AIG1: variants seen among roughly 807,000 people sequenced by gnomAD.
The protein encoded by AIG1 is androgen-induced gene 1 protein.
Under a neutral mutation model 31.4 loss-of-function variants are expected in AIG1, and 23 were observed. The observed-to-expected ratio is 0.73, with a 90% CI of 0.53 to 1.04. AIG1 has a LOEUF of 1.04. Ranked by LOEUF, AIG1 falls within the 50% of genes least tolerant of loss-of-function variation. The pLI is 0.00. For synonymous variants in AIG1, 100 were observed against 110.5 expected, an observed-to-expected ratio of 0.90 and a Z score of 0.60; for missense variants, 274 against 295.0, an observed-to-expected ratio of 0.93 and a Z score of 0.52.
chr6:143,061,926 G>A (rs1452465646), intron 1 of AIG1, among the ~76,000 whole-genome samples: 1 of 152,204 alleles, frequency 6.6e-6, no homozygotes, highest in African/African-American at 2.4e-5. Flanking sequence ...GGGTAAAGGT[G>A]ACTAAGACAC....
chr6:143,191,696 G>T (rs1789804254), intron 3 of AIG1, among the ~76,000 whole-genome samples: 1 of 152,122 alleles, frequency 6.6e-6, no homozygotes, highest in South Asian at 2.1e-4. Context: ...AGTCTAGGAG[G>T]AAAGGAGGAA....
chr6:143,317,180 AC>A (rs1775826154), intron 4 of AIG1, among the ~76,000 whole-genome samples: 1 of 152,126 alleles, frequency 6.6e-6, no homozygotes, highest in Non-Finnish European at 1.5e-5. Flanking sequence ...TCACCCTAAT[AC>A]CAAAACGAGG....
intron 3 of AIG1, among the ~76,000 whole-genome samples, chr6:143,246,493 A>G (rs1035742662): frequency 2.0e-5 from 3 of 152,116 alleles, no homozygotes; most frequent in Admixed American, 1.3e-4. Context: ...CCATGATTCA[A>G]TCACCTCCCA....
At chr6:143,156,077 C>T (rs1785717475) in intron 2 of AIG1, among the ~76,000 whole-genome samples, 1 of 152,116 alleles carries the variant, frequency 6.6e-6, no homozygotes. Context: ...TGTCAGCAGG[C>T]CCAGCCAACA....
chr6:143,060,747 G>A (rs142712943), upstream of AIG1: 9,569 of 207,846 alleles, frequency 0.046, 989 homozygotes, highest in African/African-American at 0.22. Context: ...GGTCACCCGG[G>A]CGCTCGCGGC....
chr6:143,081,914 C>T (rs1057304688), intron 1 of AIG1, among the ~76,000 whole-genome samples: 1 of 152,014 alleles, frequency 6.6e-6, no homozygotes, highest in African/African-American at 2.4e-5. Context: ...CCTTGTGGCT[C>T]TTTTGGCTTC....
intron 3 of AIG1, among the ~76,000 whole-genome samples, chr6:143,202,349 TCAC>T: frequency 6.6e-6 from 1 of 152,222 alleles, no homozygotes; most frequent in South Asian, 2.1e-4. Flanking sequence ...GGACAGCTAA[TCAC>T]AAAAAAACAG....
chr6:143,224,487 T>C (rs1392196889), intron 3 of AIG1, among the ~76,000 whole-genome samples: 1 of 152,172 alleles, frequency 6.6e-6, no homozygotes, highest in Non-Finnish European at 1.5e-5. Flanking sequence ...AACAGAGAAT[T>C]GTTTGGAGAA....
In AIG1 at chr6:143,295,818, A is replaced by C. The variant is rs534728497; in HGVS notation, c.515+11593A>C. Reference sequence around the variant, plus strand: ...ACTCTTTCTCCAAAGTCTGCCCCCAAAGTCCCCTCCCTTCACTATCTAGAG... The same window carrying C: ...ACTCTTTCTCCAAAGTCTGCCCCCACAGTCCCCTCCCTTCACTATCTAGAG... On this transcript the variant is annotated intron_variant, in intron 4 of 5. Transcript: ENST00000357847. Among the ~76,000 whole-genome samples the C allele has an allele frequency of 2.0e-5, 3 of 152,110 alleles. No homozygotes were observed. In the South Asian group the frequency reaches 6.2e-4, roughly 32 times the overall value.
chr6:143,084,629 T>A (rs1778597347), intron 1 of AIG1, among the ~76,000 whole-genome samples: 1 of 152,228 alleles, frequency 6.6e-6, no homozygotes, highest in Non-Finnish European at 1.5e-5. Flanking sequence ...GACTGAGTGA[T>A]AAACTTATCC....
chr6:143,177,645 A>G (rs1352996748), intron 3 of AIG1, among the ~76,000 whole-genome samples: 2 of 152,130 alleles, frequency 1.3e-5, no homozygotes, highest in East Asian at 3.8e-4. Context: ...CTTTGCTGAG[A>G]GCAGGGACAC....
At chr6:143,253,950 C>T (rs1456151177) in intron 3 of AIG1, among the ~76,000 whole-genome samples, 1 of 152,190 alleles carries the variant, frequency 6.6e-6, no homozygotes, top group Non-Finnish European at 1.5e-5. Context: ...TTAGATTCAT[C>T]AAAGACTGAC....
chr6:143,218,429 G>T (rs75136434), intron 3 of AIG1, among the ~76,000 whole-genome samples: 2 of 152,282 alleles, frequency 1.3e-5, no homozygotes, highest in Non-Finnish European at 2.9e-5. Context: ...GTCAAAAATA[G>T]AATAAAATAT....
At chr6:143,103,569 G>A (rs1481253597) in intron 1 of AIG1, among the ~76,000 whole-genome samples, 7 of 145,830 alleles carry the variant, frequency 4.8e-5, no homozygotes, top group African/African-American at 1.8e-4. Context: ...GTGCAGTGGC[G>A]GGATCTCGGC....
At chr6:143,243,161 A>C (rs570819493) in intron 3 of AIG1, among the ~76,000 whole-genome samples, 1 of 152,262 alleles carries the variant, frequency 6.6e-6, no homozygotes, top group Non-Finnish European at 1.5e-5. Context: ...CCTTGGTCCA[A>C]CTTCTTTTCA....
downstream of AIG1, chr6:143,343,417 T>C: frequency 2.0e-6 from 1 of 510,832 alleles, no homozygotes; most frequent in Non-Finnish European, 3.9e-6. Flanking sequence ...GCACCTGTCT[T>C]GTCCTGCCGG....
At chr6:143,243,692 T>C (rs777483462) in intron 3 of AIG1, among the ~76,000 whole-genome samples, 10 of 152,318 alleles carry the variant, frequency 6.6e-5, no homozygotes, top group Non-Finnish European at 1.3e-4. Context: ...AAGGAGACTT[T>C]CGATGAATTG....
chr6:143,124,538 C>T (rs758671772), intron 1 of AIG1, among the ~76,000 whole-genome samples: 27 of 152,246 alleles, frequency 1.8e-4, no homozygotes, highest in South Asian at 6.2e-4. Context: ...CCTGCTTGCC[C>T]AGCTGCTGTG....
At chr6:143,144,580 A>G (rs995712518) in intron 2 of AIG1, among the ~76,000 whole-genome samples, 3 of 152,238 alleles carry the variant, frequency 2.0e-5, no homozygotes, top group Non-Finnish European at 1.5e-5. Flanking sequence ...TATTGGATGT[A>G]TAAGTTAATG....
Sources: gnomAD v4.1 joint callset for allele counts (sites outside exome capture counted in the v4.1 genomes callset) on GRCh38, gnomAD v4.1.1 for gene constraint, MANE v1.5 for transcripts, NCBI Gene and HGNC (gene_info 2026-07-23, HGNC 2026-07-21) for gene names.